ELAVL2: variants seen among roughly 807,000 people sequenced by gnomAD.
ELAVL2 encodes ELAV-like protein 2.
In ELAVL2, 4 loss-of-function variants were observed where a neutral mutation model predicts 34.6. That is an observed-to-expected ratio of 0.12 (90% CI 0.06 to 0.26). The LOEUF (loss-of-function observed/expected upper bound fraction) is 0.26, where lower values mean the gene tolerates loss of function less well. Among genes scored for constraint, ELAVL2 ranks in the 10% least tolerant of loss-of-function variants. The pLI, the probability that ELAVL2 is intolerant of heterozygous loss-of-function variation, is 1.00. For synonymous variants in ELAVL2, 193 were observed against 154.8 expected (o/e 1.25, Z -1.83); for missense variants, 432 against 442.8 (o/e 0.98, Z 0.22).
At chr9:23,713,648 A>G (rs187334845) in intron 3 of ELAVL2, among the ~76,000 whole-genome samples, 1 of 152,308 alleles carries the variant, frequency 6.6e-6, no homozygotes, top group Admixed American at 6.5e-5. Context: ...GCCTGCATTT[A>G]TTTAGCCACA....
At chr9:23,712,778 C>A (rs1394813584) in intron 3 of ELAVL2, among the ~76,000 whole-genome samples, 1 of 152,136 alleles carries the variant, frequency 6.6e-6, no homozygotes, top group Non-Finnish European at 1.5e-5. Flanking sequence ...TTAGTCAAGG[C>A]AGTTGATCTT....
At chr9:23,694,944 T>C (rs909012625) in intron 5 of ELAVL2, among the ~76,000 whole-genome samples, 8 of 152,172 alleles carry the variant, frequency 5.3e-5, no homozygotes, top group Non-Finnish European at 8.8e-5. Flanking sequence ...GGGTCACTGA[T>C]AGTTTATAAT....
intron 1 of ELAVL2, among the ~76,000 whole-genome samples, chr9:23,785,939 G>A (rs1353436679): frequency 1.3e-5 from 2 of 152,108 alleles, no homozygotes; most frequent in African/African-American, 2.4e-5. Context: ...AGACTTTTCG[G>A]TACTTGAAGG....
intron 3 of ELAVL2, among the ~76,000 whole-genome samples, chr9:23,718,282 C>G (rs894976523): frequency 2.0e-5 from 3 of 152,122 alleles, no homozygotes; most frequent in African/African-American, 7.2e-5. Context: ...ATTTAAAACA[C>G]AATCTGCAAG....
upstream of ELAVL2, chr9:23,830,391 A>T (rs1164606051): frequency 6.6e-6 from 1 of 152,170 alleles, no homozygotes; most frequent in Admixed American, 6.5e-5. Context: ...CTTTCTCTTT[A>T]CATTGTGTCT....
intron 1 of ELAVL2, among the ~76,000 whole-genome samples, chr9:23,764,508 G>A (rs550850052): frequency 6.6e-6 from 1 of 152,186 alleles, no homozygotes; most frequent in African/African-American, 2.4e-5. Flanking sequence ...TACAAATAAT[G>A]CATATTCCAT....
chr9:23,720,277 ATT>A (rs1354650652), intron 3 of ELAVL2, among the ~76,000 whole-genome samples: 3 of 151,110 alleles, frequency 2.0e-5, no homozygotes, highest in South Asian at 4.2e-4. Context: ...AGTTCAAGTA[ATT>A]CTCCCTGCCT....
the ELAVL2 span, among the ~76,000 whole-genome samples, chr9:23,839,366 G>A: frequency 6.6e-6 from 1 of 152,048 alleles, no homozygotes; most frequent in East Asian, 1.9e-4. Flanking sequence ...TCATGGCGCA[G>A]TCCTGAATAA....
chr9:23,829,566 G>A (rs1799023113), upstream of ELAVL2: 1 of 152,142 alleles, frequency 6.6e-6, no homozygotes, highest in African/African-American at 2.4e-5. Flanking sequence ...GTGGAGTAGG[G>A]GGTTATGGTT....
chr9:23,831,826 G>T, the ELAVL2 span, among the ~76,000 whole-genome samples: 3 of 152,108 alleles, frequency 2.0e-5, no homozygotes, highest in Admixed American at 2.0e-4. Context: ...GTAGTGGGAG[G>T]GGGCAGTGAG....
At chr9:23,708,889 C>A (rs527385014) in intron 3 of ELAVL2, among the ~76,000 whole-genome samples, 62 of 152,182 alleles carry the variant, frequency 4.1e-4, no homozygotes, top group South Asian at 8.3e-4. Context: ...CAGCCCACCT[C>A]GGCCTCCCAA....
chr9:23,836,471 A>G, the ELAVL2 span, among the ~76,000 whole-genome samples: 1 of 152,176 alleles, frequency 6.6e-6, no homozygotes, highest in Non-Finnish European at 1.5e-5. Context: ...TAGAATACTA[A>G]TATTTCTAGA....
chr9:23,813,437 T>C (rs2063295204), intron 1 of ELAVL2, among the ~76,000 whole-genome samples: 1 of 146,302 alleles, frequency 6.8e-6, no homozygotes, highest in Admixed American at 6.8e-5. Flanking sequence ...TTTACAACAA[T>C]CTTATAAATC....
chr9:23,706,512 A>C (rs763172055), intron 3 of ELAVL2, among the ~76,000 whole-genome samples: 3 of 152,070 alleles, frequency 2.0e-5, no homozygotes, highest in Non-Finnish European at 2.9e-5. Context: ...CCTATAACCT[A>C]TCTTTGCCAA....
At chr9:23,709,325 G>A (rs2040285386) in intron 3 of ELAVL2, among the ~76,000 whole-genome samples, 1 of 152,158 alleles carries the variant, frequency 6.6e-6, no homozygotes, top group Admixed American at 6.5e-5. Flanking sequence ...GTGGGAAGAA[G>A]GCTGATAGTG....
At chr9:23,700,965 A>C (rs902719737) in intron 5 of ELAVL2, among the ~76,000 whole-genome samples, 1 of 152,080 alleles carries the variant, frequency 6.6e-6, no homozygotes, top group African/African-American at 2.4e-5. Context: ...CAACCACAGC[A>C]TTATTGGTGC....
chr9:23,730,665 CG>C (rs2134495339), intron 3 of ELAVL2, among the ~76,000 whole-genome samples: 1 of 152,082 alleles, frequency 6.6e-6, no homozygotes, highest in East Asian at 1.9e-4. Context: ...ATGCATGGCT[CG>C]CAAAACCTTG....
chr9:23,787,219 C>T (rs184877019), intron 1 of ELAVL2, among the ~76,000 whole-genome samples: 1 of 152,076 alleles, frequency 6.6e-6, no homozygotes, highest in Non-Finnish European at 1.5e-5. Context: ...GCATTACCCC[C>T]CTGTGATCCT....
intron 1 of ELAVL2, among the ~76,000 whole-genome samples, chr9:23,784,855 A>T (rs1159759401): frequency 2.0e-5 from 3 of 152,246 alleles, no homozygotes; most frequent in Non-Finnish European, 4.4e-5. Flanking sequence ...TAATATCCGT[A>T]GGGAAAAATA....
Sources: allele counts gnomAD v4.1 joint callset (sites outside exome capture counted in the v4.1 genomes callset), GRCh38; gene constraint gnomAD v4.1.1; transcripts MANE v1.5; gene names NCBI Gene and HGNC (gene_info 2026-07-23, HGNC 2026-07-21).